XYLT1: variants seen among roughly 807,000 people sequenced by gnomAD.
XYLT1 encodes the protein beta-D-xylosyltransferase 1.
XYLT1 carries 36 observed loss-of-function variants against 91.3 expected under a neutral mutation model. The ratio of observed to expected loss-of-function variants is 0.39; its 90% CI spans 0.30 to 0.52. The LOEUF (loss-of-function observed/expected upper bound fraction) is 0.52. XYLT1 is among the 20% of genes least tolerant of loss of function. The pLI is 0.68. For missense variants in XYLT1, 1,242 were observed against 1,284.5 expected, an observed-to-expected ratio of 0.97 and a Z score of 0.51; for synonymous variants, 588 against 532.0, an observed-to-expected ratio of 1.11 and a Z score of -1.45.
intron 1 of XYLT1, among the ~76,000 whole-genome samples, chr16:17,451,988 T>C (rs1346611873): frequency 2.0e-5 from 3 of 152,206 alleles, no homozygotes; most frequent in Non-Finnish European, 2.9e-5. Flanking sequence ...TGTTTTGATG[T>C]GGGCAGGCTA....
chr16:17,246,489 A>G (rs1009367386), intron 3 of XYLT1, among the ~76,000 whole-genome samples: 1 of 152,198 alleles, frequency 6.6e-6, no homozygotes, highest in Non-Finnish European at 1.5e-5. Context: ...CACAGAGCAG[A>G]CAAGTTAAGG....
chr16:17,168,579 GAATCTAA>G (rs1282284247), intron 5 of XYLT1, among the ~76,000 whole-genome samples: 1 of 151,518 alleles, frequency 6.6e-6, no homozygotes, highest in Non-Finnish European at 1.5e-5. Context: ...CGTACCCACT[GAATCTAA>G]AATAAAAGGT....
At chr16:17,274,974 C>G (rs1355941124) in intron 2 of XYLT1, among the ~76,000 whole-genome samples, 1 of 152,050 alleles carries the variant, frequency 6.6e-6, no homozygotes, top group Non-Finnish European at 1.5e-5. Context: ...CCCAAGAGTT[C>G]AAGAGTAGCC....
chr16:17,304,335 A>C (rs1460101924), intron 2 of XYLT1, among the ~76,000 whole-genome samples: 1 of 152,170 alleles, frequency 6.6e-6, no homozygotes, highest in Non-Finnish European at 1.5e-5. Flanking sequence ...GGCAGGTGCA[A>C]AGATGACTAT....
intron 5 of XYLT1, among the ~76,000 whole-genome samples, chr16:17,175,169 G>A (rs2031913617): frequency 6.6e-6 from 1 of 152,084 alleles, no homozygotes; most frequent in Non-Finnish European, 1.5e-5. Context: ...TAAAACAACA[G>A]CTACAATAAT....
chr16:17,387,516 G>C (rs1186842503), intron 1 of XYLT1, among the ~76,000 whole-genome samples: 1 of 152,168 alleles, frequency 6.6e-6, no homozygotes. Context: ...CTGAGGCACA[G>C]GCTATTATCA....
At chr16:17,301,180 G>A (rs1045348917) in intron 2 of XYLT1, among the ~76,000 whole-genome samples, 1 of 152,144 alleles carries the variant, frequency 6.6e-6, no homozygotes, top group African/African-American at 2.4e-5. Context: ...GGAGGCTGAG[G>A]CGGGTGGATT....
At chr16:17,289,985 T>G (rs1222578393) in intron 2 of XYLT1, among the ~76,000 whole-genome samples, 2 of 152,248 alleles carry the variant, frequency 1.3e-5, no homozygotes, top group Non-Finnish European at 2.9e-5. Context: ...AGGATATCTA[T>G]CTCATCCAAA....
intron 1 of XYLT1, among the ~76,000 whole-genome samples, chr16:17,461,565 A>G (rs879289065): frequency 3.9e-5 from 6 of 152,204 alleles, no homozygotes; most frequent in African/African-American, 1.4e-4. Flanking sequence ...GGATGGACAG[A>G]TGGATGGATG....
At chr16:17,144,062 A>G (rs909566117) in intron 6 of XYLT1, among the ~76,000 whole-genome samples, 3 of 152,222 alleles carry the variant, frequency 2.0e-5, no homozygotes, top group East Asian at 1.9e-4. Flanking sequence ...CAGTACTTTT[A>G]TTAACCCATA....
At chr16:17,168,453 A>AG (rs980312461) in intron 5 of XYLT1, among the ~76,000 whole-genome samples, 14 of 152,154 alleles carry the variant, frequency 9.2e-5, no homozygotes, top group African/African-American at 3.4e-4. Context: ...GAAGAGGAGG[A>AG]GGGCAAAGGC....
intron 2 of XYLT1, among the ~76,000 whole-genome samples, chr16:17,340,044 CCCAT>C (rs1012199606): frequency 9.9e-5 from 15 of 152,086 alleles, no homozygotes; most frequent in Middle Eastern, 3.4e-3. Flanking sequence ...CATTCGTCCA[CCCAT>C]CTATTATCCA....
intron 1 of XYLT1, among the ~76,000 whole-genome samples, chr16:17,364,594 T>C (rs565184027): frequency 6.6e-6 from 1 of 152,334 alleles, no homozygotes; most frequent in African/African-American, 2.4e-5. Context: ...GCAACCTATG[T>C]CACGTGACGG....
chr16:17,173,634 A>G (rs1407403770), intron 5 of XYLT1, among the ~76,000 whole-genome samples: 1 of 152,270 alleles, frequency 6.6e-6, no homozygotes, highest in Non-Finnish European at 1.5e-5. Context: ...AGGTTCCTGG[A>G]ATGGAATTCA....
At chr16:17,342,520 G>C (rs1051989320) in intron 2 of XYLT1, among the ~76,000 whole-genome samples, 31 of 152,064 alleles carry the variant, frequency 2.0e-4, no homozygotes, top group Non-Finnish European at 3.7e-4. Context: ...TTGGGAGTTC[G>C]AGACCAGCCG....
chr16:17,246,322 A>T (rs2141741405), intron 3 of XYLT1, among the ~76,000 whole-genome samples: 1 of 152,268 alleles, frequency 6.6e-6, no homozygotes, highest in African/African-American at 2.4e-5. Context: ...TTGTATAGAG[A>T]CCTTAGCTCC....
At chr16:17,144,849 A>G (rs1444594571) in intron 6 of XYLT1, among the ~76,000 whole-genome samples, 1 of 152,236 alleles carries the variant, frequency 6.6e-6, no homozygotes, top group Non-Finnish European at 1.5e-5. Flanking sequence ...GGCTCCATGC[A>G]GACTGGAGGG....
chr16:17,351,748 T>TGG (rs1272173955), intron 2 of XYLT1, among the ~76,000 whole-genome samples: 108 of 106,388 alleles, frequency 1.0e-3, no homozygotes, highest in African/African-American at 5.7e-3. Flanking sequence ...GGCTTTTTTT[T>TGG]TGGGGGGGGG....
chr16:17,283,124 C>A (rs770979755), intron 2 of XYLT1, among the ~76,000 whole-genome samples: 1 of 152,176 alleles, frequency 6.6e-6, no homozygotes, highest in Non-Finnish European at 1.5e-5. Flanking sequence ...GGGGCACATC[C>A]CGTCCTCGCT....
Sources: allele counts gnomAD v4.1 joint callset (sites outside exome capture counted in the v4.1 genomes callset), GRCh38; gene constraint gnomAD v4.1.1; transcripts MANE v1.5; gene names NCBI Gene and HGNC (gene_info 2026-07-23, HGNC 2026-07-21).